L1TD1: variants seen among roughly 807,000 people sequenced by gnomAD.
The protein encoded by L1TD1 is LINE-1 type transposase domain-containing protein 1.
A neutral mutation model predicts 25.7 loss-of-function variants in L1TD1; 26 were observed. The observed-to-expected ratio is 1.01, with a 90% CI of 0.74 to 1.40. L1TD1 has a LOEUF of 1.40. Ranked by LOEUF, L1TD1 falls within the 40% of genes most tolerant of loss-of-function variation. The probability of loss-of-function intolerance (pLI) is 0.00; values close to 1 mark genes in which losing one functional copy is unlikely to be tolerated. For synonymous variants in L1TD1, 421 were observed against 335.6 expected (o/e 1.25, Z -2.78); for missense variants, 1,130 against 975.0 (o/e 1.16, Z -2.12).
intron 3 of L1TD1, 92 bp downstream of exon 3, chr1:62,207,728 T>C: frequency 7.9e-6 from 11 of 1,388,304 alleles, no homozygotes; most frequent in Non-Finnish European, 7.6e-6. Context: ...TTTTTTTTTC[T>C]TGAGATGGAG....
rs868505837 is a variant in L1TD1, at chr1:62,205,415, C to A, written c.-110-1104C>A. Among the ~76,000 whole-genome samples, 174 of 33,820 alleles carry A rather than the reference C, an allele frequency of 5.1e-3. 4 individuals are homozygous for A. Among genetic ancestry groups the A allele is most frequent in the Admixed American group, 7.7e-3 (15 of 1,936 alleles). 22.2% of individuals were successfully genotyped at this position (33,820 alleles called of 152,430 possible). On this transcript the variant is annotated intron_variant, in intron 2 of 3. Transcript: ENST00000498273. ...TCTCTCTCTCTCTCTCTCTCTCTCT[C>A]TCTATATATATATATATATATATAT...
At chr1:62,196,714 T>C (rs1557438883) in intron 2 of L1TD1, among the ~76,000 whole-genome samples, 186 bp downstream of exon 2, 1 of 152,150 alleles carries the variant, frequency 6.6e-6, no homozygotes, top group Non-Finnish European at 1.5e-5. Context: ...TCCCTCAGCC[T>C]CCCAAGTAGC....
At chr1:62,199,738 A>G (rs945165701) in intron 2 of L1TD1, among the ~76,000 whole-genome samples, 1 of 151,964 alleles carries the variant, frequency 6.6e-6, no homozygotes, top group African/African-American at 2.4e-5. Context: ...CTATAGAGTG[A>G]CTCTTGGAAA....
At position 62,211,490 on chromosome 1, in the gene L1TD1, G is replaced by T; in HGVS notation, c.*118G>T. The T allele has an allele frequency of 6.8e-7, 1 of 1,464,868 alleles. No individual in the cohort carries two copies. Among genetic ancestry groups the T allele is most frequent in the Non-Finnish European group, 9.0e-7 (1 of 1,108,336 alleles). The allele number at this position is 1,464,868 out of a possible 1,614,324, so 90.7% of individuals were successfully genotyped here. A position where few individuals can be genotyped will look rare whatever the true frequency, so the allele number is the denominator to read the frequency against. On this transcript the variant is annotated 3_prime_UTR_variant, in exon 4 of 4. Coordinates refer to ENST00000498273, the MANE Select transcript of L1TD1 (RefSeq NM_019079.5). Reference sequence around the variant, plus strand: ...GATGGACAGCTAATAGCGTACTTGGGGATGAGGAGCAAGGAATATTACAGA... The same window carrying T: ...GATGGACAGCTAATAGCGTACTTGGTGATGAGGAGCAAGGAATATTACAGA...
rs143856414 is a variant in L1TD1, at chr1:62,210,503, T to C, written c.1729T>C (p.Leu577=). 4.3e-5 allele frequency: 70 copies of C among 1,613,746 alleles called. No homozygotes were observed. Among genetic ancestry groups the C allele is most frequent in the Non-Finnish European group, 5.4e-5 (64 of 1,180,006 alleles). The change falls in exon 4 of 4, where the codon TTG becomes CTG. Residue 577 remains leucine, a synonymous_variant. Transcript: ENST00000498273. ...DEHKKHSHTN[L]SISTGVTKLK... ...GCATAAAAAGCATTCACATACAAAT[T>C]TGAGTATTTCAACAGGAGTCACCAA...
Position 62,211,137 on chromosome 1 carries a change from C to A in L1TD1, c.2363C>A (p.Thr788Lys). The change falls in exon 4 of 4, where the codon ACA becomes AAA. Residue 788 changes from threonine (T) to lysine (K), a missense_variant. Coordinates refer to ENST00000498273, the MANE Select transcript of L1TD1 (RefSeq NM_019079.5). ...RERREITYQG[T>K]RIRLTADLSL... ...AGAAGAGAAATTACCTACCAAGGAA[C>A]AAGAATCAGGTTGACAGCAGACTTA... 1 of 1,549,398 alleles carries A rather than the reference C, an allele frequency of 6.5e-7. No individual in the cohort carries two copies.
chr1:62,205,619 C>T (rs547833591), intron 2 of L1TD1, among the ~76,000 whole-genome samples: 69 of 150,814 alleles, frequency 4.6e-4, no homozygotes, highest in Non-Finnish European at 8.3e-4. Flanking sequence ...TTTGTAGAGA[C>T]GGGGTTTTGC....
chr1:62,207,170 T>C lies in L1TD1; in HGVS notation c.542T>C (p.Ile181Thr). The C allele has an allele frequency of 1.9e-6, 3 of 1,555,996 alleles. No individual in the cohort carries two copies. Among genetic ancestry groups the C allele is most frequent in the Non-Finnish European group, 2.6e-6 (3 of 1,148,910 alleles). Residue 181 changes from isoleucine (I) to threonine (T), a missense_variant, in exon 3 of 4, where the codon ATA (isoleucine) becomes ACA (threonine). Coordinates refer to ENST00000498273, the MANE Select transcript of L1TD1 (RefSeq NM_019079.5). The stretch of plus-strand genomic sequence containing the variant: ...AGTATGGAAGAAACCTTATGCAATA[T>C]AGATGACAGAGATGGAAATCGCAAT... Reference protein sequence around the residue: ...MGSMEETLCNIDDRDGNRNVH... With the variant: ...MGSMEETLCNTDDRDGNRNVH...
At chr1:62,205,349 A>C (rs1670714322) in intron 2 of L1TD1, among the ~76,000 whole-genome samples, 1 of 144,936 alleles carries the variant, frequency 6.9e-6, no homozygotes, top group Non-Finnish European at 1.5e-5. Context: ...GAAAAAAACA[A>C]AATAAAACCA....
intron 2 of L1TD1, among the ~76,000 whole-genome samples, chr1:62,199,848 G>C (rs1318658059): frequency 6.6e-6 from 1 of 152,168 alleles, no homozygotes; most frequent in Non-Finnish European, 1.5e-5. Context: ...AATGTGGCCA[G>C]GGTGGATATT....
In L1TD1 at chr1:62,205,432, TATA is replaced by T. The variant is rs1397269912; in HGVS notation, c.-110-1086_-110-1084del. On this transcript the variant is annotated intron_variant, in intron 2 of 3. Transcript: ENST00000498273. ...CTCTCTCTCTCTATATATATATATA[TATA>T]TATATATATTTTTTTTTAGACAGTC... Among the ~76,000 whole-genome samples the T allele has an allele frequency of 3.8e-4, 28 of 73,936 alleles. 1 individual carries two copies. Among genetic ancestry groups the T allele is most frequent in the South Asian group, 3.7e-3 (8 of 2,170 alleles). The allele number at this position is 73,936 out of a possible 152,430, so 48.5% of individuals were successfully genotyped here. A position where few individuals can be genotyped will look rare whatever the true frequency, so the allele number is the denominator to read the frequency against.
intron 2 of L1TD1, among the ~76,000 whole-genome samples, chr1:62,199,353 C>G (rs951617157): frequency 6.6e-6 from 1 of 152,020 alleles, no homozygotes; most frequent in African/African-American, 2.4e-5. Flanking sequence ...CAAAAATTAG[C>G]CGGGCATGGT....
chr1:62,210,986 C>T lies in L1TD1; in HGVS notation c.2212C>T (p.Leu738Phe). The T allele has an allele frequency of 6.5e-7, 1 of 1,546,616 alleles. No individual in the cohort carries two copies. Among genetic ancestry groups the T allele is most frequent in the Non-Finnish European group, 8.7e-7 (1 of 1,145,772 alleles). ...TGCAGAACTAAAGAAAGGTTCAAGT[C>T]TTGAGATTGTCAGTGCTTGTCGAGT... ...NFAELKKGSS[L>F]EIVSACRVPS... The change falls in exon 4 of 4, where the codon CTT (leucine) becomes TTT (phenylalanine). Residue 738 changes from leucine (L) to phenylalanine (F), a missense_variant. Coordinates refer to ENST00000498273, the MANE Select transcript of L1TD1 (RefSeq NM_019079.5).
chr1:62,203,798 A>G (rs1281422918), intron 2 of L1TD1, among the ~76,000 whole-genome samples: 1 of 152,044 alleles, frequency 6.6e-6, no homozygotes, highest in Non-Finnish European at 1.5e-5. Context: ...ATTAGCCAGG[A>G]TGGTGTCTTA....
intron 2 of L1TD1, among the ~76,000 whole-genome samples, chr1:62,197,397 TTA>T (rs10528649): frequency 0.017 from 1,367 of 80,662 alleles, 18 homozygotes; most frequent in Non-Finnish European, 0.023. Flanking sequence ...AAAAAATAAA[TTA>T]TATATATATA....
Position 62,211,089 on chromosome 1 carries a change from AAAT to A in L1TD1, c.2321_2323del (p.Ile774del), listed in dbSNP as rs1372653510. ...TTTTGGAATTCTAGTGATAAAGAGAAAATAATAAGGGCTTCTAGAGAGAGAAGA... is the reference window on the plus strand; with the variant it reads ...TTTTGGAATTCTAGTGATAAAGAGAAAATAAGGGCTTCTAGAGAGAGAAGA... On this transcript the variant is annotated inframe_deletion, in exon 4 of 4. Transcript: ENST00000498273. 5 of 1,550,524 alleles carry A rather than the reference AAAT, an allele frequency of 3.2e-6. No homozygotes were observed. The highest frequency in any genetic ancestry group is 2.4e-5 in the East Asian group (1 of 40,916).
In L1TD1 at chr1:62,210,180, T is replaced by C; in HGVS notation, c.1406T>C (p.Phe469Ser). 1.9e-6 allele frequency: 3 copies of C among 1,614,042 alleles called. No homozygotes were observed. The highest frequency in any genetic ancestry group is 2.5e-6 in the Non-Finnish European group (3 of 1,180,020). ...ACCAGTGATGGCATGGAAACTACTT[T>C]CATTGACTCTGTAGAGGATTCTGAA... ...EITSDGMETT[F>S]IDSVEDSESE... Residue 469 changes from phenylalanine to serine, a missense_variant, in exon 4 of 4, where the codon TTC becomes TCC. Transcript: ENST00000498273.
At chr1:62,202,918 G>A (rs1670670718) in intron 2 of L1TD1, among the ~76,000 whole-genome samples, 2 of 151,960 alleles carry the variant, frequency 1.3e-5, no homozygotes, top group South Asian at 4.1e-4. Context: ...CCTGACCTCA[G>A]GTGATCTGCC....
In L1TD1 at chr1:62,211,857, TG is replaced by T. The variant is rs1284061686; in HGVS notation, c.*488del. Reference sequence around the variant, plus strand: ...GCGGGCGCCTGTAGTCCCAGCTACTTGGGAGGCTGAGGCAGGAGAATGGCGT... The same window carrying T: ...GCGGGCGCCTGTAGTCCCAGCTACTTGGAGGCTGAGGCAGGAGAATGGCGT... On this transcript the variant is annotated 3_prime_UTR_variant, in exon 4 of 4. Coordinates refer to ENST00000498273, the MANE Select transcript of L1TD1 (RefSeq NM_019079.5). 1 of 152,818 alleles carries T rather than the reference TG, an allele frequency of 6.5e-6. No homozygotes were observed. The highest frequency in any genetic ancestry group is 1.5e-5 in the Non-Finnish European group (1 of 68,620). 9.5% of individuals were successfully genotyped at this position (152,818 alleles called of 1,614,324 possible).
Sources: allele counts gnomAD v4.1 joint callset (sites outside exome capture counted in the v4.1 genomes callset), GRCh38; gene constraint gnomAD v4.1.1; transcripts MANE v1.5; gene names NCBI Gene and HGNC (gene_info 2026-07-23, HGNC 2026-07-21).